LTBP1: variants seen among roughly 807,000 people sequenced by gnomAD.
The protein encoded by LTBP1 is latent-transforming growth factor beta-binding protein 1.
LTBP1 carries 129 observed loss-of-function variants against 207.6 expected under a neutral mutation model. The ratio of observed to expected loss-of-function variants is 0.62; its 90% CI spans 0.54 to 0.72. LTBP1 has a LOEUF of 0.72. Ranked by LOEUF, LTBP1 falls within the 30% of genes least tolerant of loss-of-function variation. The probability of loss-of-function intolerance (pLI) is 0.00; values close to 1 mark genes in which losing one functional copy is unlikely to be tolerated. For missense variants in LTBP1, 2,281 were observed against 2,217.2 expected, an observed-to-expected ratio of 1.03 and a Z score of -0.58; for synonymous variants, 963 against 833.7, an observed-to-expected ratio of 1.16 and a Z score of -2.67.
rs1325665754 is a variant in LTBP1, at chr2:33,134,668, C to T, written c.1034-125C>T. 1.9e-6 allele frequency: 3 copies of T among 1,563,162 alleles called. No individual in the cohort carries two copies. Among genetic ancestry groups the T allele is most frequent in the Non-Finnish European group, 2.6e-6 (3 of 1,152,536 alleles). On this transcript the variant is annotated intron_variant, in intron 4 of 33. Coordinates refer to ENST00000404816, the MANE Select transcript of LTBP1 (RefSeq NM_206943.4). This position sits in a 1 kb window ranked among gnomAD's most constrained non-coding sequence, Gnocchi z 4.4. ...TTCCTTAAACCTGTCGGGTTGTGGG[C>T]TCTCTCTTTTCCCCTCTTGCTCCTT...
intron 10 of LTBP1, among the ~76,000 whole-genome samples, 167 bp downstream of exon 10, chr2:33,243,951 A>T (rs1019899387): frequency 3.9e-5 from 6 of 152,236 alleles, no homozygotes; most frequent in African/African-American, 1.4e-4. Context: ...AAATAAATTG[A>T]TATCATGGAA....
At chr2:32,997,181 G>A (rs1327499508) in intron 2 of LTBP1, among the ~76,000 whole-genome samples, 28 of 152,026 alleles carry the variant, frequency 1.8e-4, no homozygotes, top group Non-Finnish European at 1.0e-4. Flanking sequence ...TACTGCACCC[G>A]GCCTGGATGG....
At chr2:33,329,411 C>T (rs1213610375) in intron 24 of LTBP1, among the ~76,000 whole-genome samples, 3 of 152,076 alleles carry the variant, frequency 2.0e-5, no homozygotes, top group Non-Finnish European at 4.4e-5. Context: ...TTAATGAAGT[C>T]CAGTGTTTTA....
At chr2:33,121,111 CT>C (rs1449689406) in intron 4 of LTBP1, among the ~76,000 whole-genome samples, 1 of 138,096 alleles carries the variant, frequency 7.2e-6, no homozygotes, top group African/African-American at 2.7e-5. Flanking sequence ...TGTTGGAAAA[CT>C]TTCTAATTAG....
At chr2:32,996,426 A>T (rs1323909869) in intron 2 of LTBP1, among the ~76,000 whole-genome samples, 1 of 152,156 alleles carries the variant, frequency 6.6e-6, no homozygotes, top group African/African-American at 2.4e-5. Flanking sequence ...GGGGGTTAGG[A>T]TTTCAACATA....
intron 3 of LTBP1, among the ~76,000 whole-genome samples, chr2:33,036,498 C>A (rs1348762219): frequency 6.6e-6 from 1 of 151,568 alleles, no homozygotes; most frequent in Non-Finnish European, 1.5e-5. Context: ...CACTCTGTCA[C>A]CCAGGCTGGA....
chr2:33,106,364 A>C, intron 3 of LTBP1, among the ~76,000 whole-genome samples: 1 of 152,202 alleles, frequency 6.6e-6, no homozygotes, highest in East Asian at 1.9e-4. Context: ...TCCTTTCCAG[A>C]TGTTTTCCAA....
At chr2:33,230,515 G>A (rs573398839) in intron 9 of LTBP1, among the ~76,000 whole-genome samples, 1 of 152,236 alleles carries the variant, frequency 6.6e-6, no homozygotes, top group African/African-American at 2.4e-5. Flanking sequence ...AAACAATATA[G>A]TTATATGCTC....
intron 8 of LTBP1, among the ~76,000 whole-genome samples, chr2:33,219,097 C>T (rs2090916279): frequency 6.6e-6 from 1 of 152,220 alleles, no homozygotes; most frequent in Non-Finnish European, 1.5e-5. Context: ...TTTCTAAATG[C>T]CTAAAGCAAG....
At chr2:33,178,535 T>A (rs1172901276) in intron 5 of LTBP1, among the ~76,000 whole-genome samples, 1 of 149,580 alleles carries the variant, frequency 6.7e-6, no homozygotes, top group African/African-American at 2.6e-5. Context: ...ATTTGTGGTA[T>A]TTTTGGAATT....
chr2:33,099,390 C>T (rs1460847407), intron 3 of LTBP1, among the ~76,000 whole-genome samples: 1 of 152,140 alleles, frequency 6.6e-6, no homozygotes. Context: ...AAATAAAACC[C>T]TGAGAGATTC....
At chr2:33,324,767 T>A (rs1344805853) in intron 24 of LTBP1, among the ~76,000 whole-genome samples, 1 of 149,302 alleles carries the variant, frequency 6.7e-6, no homozygotes, top group African/African-American at 2.5e-5. Context: ...AGTAGCGTGA[T>A]CTCGGCTCAC....
chr2:33,056,523 A>T, intron 3 of LTBP1: 1 of 647,760 alleles, frequency 1.5e-6, no homozygotes, highest in Non-Finnish European at 2.5e-6. Flanking sequence ...TGGTTGCAAA[A>T]ATGTGTCCAG....
intron 22 of LTBP1, among the ~76,000 whole-genome samples, chr2:33,302,996 A>AACACACGCAC (rs1312099999): frequency 1.3e-5 from 2 of 148,438 alleles, no homozygotes; most frequent in Non-Finnish European, 3.0e-5. Context: ...AACACACACA[A>AACACACGCAC]ACACACGCAC....
chr2:33,301,433 T>C (rs1375911019), intron 21 of LTBP1, 89 bp from the exon 22 acceptor site: 1 of 1,395,642 alleles, frequency 7.2e-7, no homozygotes, highest in Admixed American at 2.6e-5. Flanking sequence ...ACATTGTCTT[T>C]CTAGAATTTA....
At chr2:33,105,146 C>T (rs1210473489) in intron 3 of LTBP1, among the ~76,000 whole-genome samples, 1 of 152,096 alleles carries the variant, frequency 6.6e-6, no homozygotes, top group Non-Finnish European at 1.5e-5. Flanking sequence ...AGCCTTCCTC[C>T]CAAAGTCATC....
At chr2:33,014,710 A>T (rs1271882800) in intron 2 of LTBP1, among the ~76,000 whole-genome samples, 1 of 152,250 alleles carries the variant, frequency 6.6e-6, no homozygotes, top group East Asian at 1.9e-4. Context: ...ACTTCCTAAA[A>T]ATACAATCAC....
intron 5 of LTBP1, among the ~76,000 whole-genome samples, chr2:33,149,210 G>A (rs1278507241): frequency 5.9e-5 from 7 of 117,954 alleles, no homozygotes; most frequent in Admixed American, 1.2e-4. Context: ...GCGAGACTCC[G>A]TCTCACTCAC....
intron 2 of LTBP1, among the ~76,000 whole-genome samples, chr2:32,991,426 A>G (rs550122645): frequency 6.6e-6 from 1 of 152,338 alleles, no homozygotes; most frequent in Admixed American, 6.5e-5. Flanking sequence ...TGCTGTCTGA[A>G]CTATCTAAAT....
Sources: gnomAD v4.1 joint callset for allele counts (sites outside exome capture counted in the v4.1 genomes callset) on GRCh38, gnomAD v4.1.1 for gene constraint, Gnocchi (gnomAD v3.1) non-coding constraint, MANE v1.5 for transcripts, NCBI Gene and HGNC (gene_info 2026-07-23, HGNC 2026-07-21) for gene names.